Variants in ABCB5 observed in about 807,000 individuals in gnomAD.
ABCB5 encodes the protein ATP-binding cassette sub-family B member 5.
In ABCB5, 155 loss-of-function variants were observed where a neutral mutation model predicts 144.2. That is an observed-to-expected ratio of 1.08 (90% confidence interval 0.94 to 1.23). ABCB5 has a LOEUF of 1.23. ABCB5 is among the 50% of genes most tolerant of loss of function. The pLI is 0.00. For missense variants in ABCB5, 1,830 were observed against 1,520.8 expected, an observed-to-expected ratio of 1.20 and a Z score of -3.38; for synonymous variants, 610 against 528.6, an observed-to-expected ratio of 1.15 and a Z score of -2.11.
intron 14 of ABCB5, among the ~76,000 whole-genome samples, chr7:20,681,029 T>G (rs1785789114): frequency 1.3e-5 from 1 of 79,012 alleles, no homozygotes; most frequent in Non-Finnish European, 2.2e-5. Flanking sequence ...TTTCTTTCTT[T>G]CTTTCTCTTT....
intron 14 of ABCB5, among the ~76,000 whole-genome samples, chr7:20,680,519 G>A (rs1424588176): frequency 6.6e-5 from 10 of 150,572 alleles, no homozygotes; most frequent in Admixed American, 6.0e-4. Flanking sequence ...GCAGTGAGCC[G>A]AGATTGCGCC....
chr7:20,623,325 T>G lies in ABCB5; in HGVS notation c.40T>G (p.Tyr14Asp). Residue 14 changes from tyrosine to aspartate, a missense_variant, in exon 2 of 28, where the codon TAT becomes GAT. Physicochemically the swap from Tyr to Asp is radical, Grantham distance 160 (BLOSUM62 -3). Coordinates refer to ENST00000404938, the MANE Select transcript of ABCB5 (RefSeq NM_001163941.2). ...SERAEEMQEN[Y>D]QRNGTAEEQP... Reference sequence around the variant, plus strand: ...AAGAGCTGAAGAAATGCAAGAAAATTATCAGAGAAATGGGTAAGCTCTCAC... The same window carrying G: ...AAGAGCTGAAGAAATGCAAGAAAATGATCAGAGAAATGGGTAAGCTCTCAC... 1 of 1,549,566 alleles carries G rather than the reference T, an allele frequency of 6.5e-7. No homozygotes were observed. Among genetic ancestry groups the G allele is most frequent in the Non-Finnish European group, 8.7e-7 (1 of 1,144,468 alleles).
rs1562543053 is a variant in ABCB5, at chr7:20,656,906, C to CTTTTTTTTTTTT, written c.1537-1595_1537-1594insTTTTTTTTTTTT. Among the ~76,000 whole-genome samples the CTTTTTTTTTTTT allele has an allele frequency of 1.5e-5, 2 of 135,740 alleles. 1 individual carries two copies. The allele number at this position is 135,740 out of a possible 152,430, so 89.1% of individuals were successfully genotyped here. Reference sequence around the variant, plus strand: ...GTGATAGATCTAATTTTTCTTTTTCCTTTTTCTTTTTTTTTTTTTTTTTTT... The same window carrying CTTTTTTTTTTTT: ...GTGATAGATCTAATTTTTCTTTTTCCTTTTTTTTTTTTTTTTTCTTTTTTTTTTTTTTTTTTT... On this transcript the variant is annotated intron_variant, in intron 13 of 27. Coordinates refer to ENST00000404938, the MANE Select transcript of ABCB5 (RefSeq NM_001163941.2).
At chr7:20,639,846 C>A (rs1330243904) in intron 5 of ABCB5, among the ~76,000 whole-genome samples, 12 of 152,114 alleles carry the variant, frequency 7.9e-5, no homozygotes, top group Admixed American at 5.9e-4. Flanking sequence ...CTCTACATTT[C>A]TATATGTATT....
intron 19 of ABCB5, among the ~76,000 whole-genome samples, chr7:20,700,423 T>C (rs1786580664): frequency 1.3e-5 from 2 of 152,250 alleles, no homozygotes; most frequent in Non-Finnish European, 2.9e-5. Flanking sequence ...GATGTAGTGT[T>C]CTGGGATCAG....
chr7:20,617,320 A>C (rs978520186), intron 1 of ABCB5, among the ~76,000 whole-genome samples: 1 of 152,220 alleles, frequency 6.6e-6, no homozygotes, highest in Non-Finnish European at 1.5e-5. Context: ...ATTATCATTC[A>C]GTACATGTGG....
At chr7:20,643,967 T>G (rs1784350366) in intron 7 of ABCB5, among the ~76,000 whole-genome samples, 1 of 152,244 alleles carries the variant, frequency 6.6e-6, no homozygotes, top group African/African-American at 2.4e-5. Flanking sequence ...CAGACTTGTT[T>G]GCTCTAAATT....
intron 23 of ABCB5, among the ~76,000 whole-genome samples, chr7:20,731,656 T>A (rs1468903590): frequency 6.6e-6 from 1 of 152,098 alleles, no homozygotes; most frequent in African/African-American, 2.4e-5. Flanking sequence ...TTAAGGTGTT[T>A]CTCCCCAAAG....
chr7:20,695,141 T>C (rs1479379270), intron 16 of ABCB5, among the ~76,000 whole-genome samples: 1 of 151,990 alleles, frequency 6.6e-6, no homozygotes, highest in East Asian at 1.9e-4. Context: ...TCAACTACTA[T>C]ATAAAGCTAA....
Position 20,637,804 on chromosome 7 carries a change from A to G in ABCB5, c.315-5380A>G, listed in dbSNP as rs868371602. Among the ~76,000 whole-genome samples the G allele has an allele frequency of 2.0e-5, 3 of 152,314 alleles. No individual in the cohort carries two copies. The South Asian group carries it at 6.2e-4, about 32-fold the overall frequency. On this transcript the variant is annotated intron_variant, in intron 5 of 27. Coordinates refer to ENST00000404938, the MANE Select transcript of ABCB5 (RefSeq NM_001163941.2). ...TAATGTATCTAGCATAACCTACTTG[A>G]AAGAGAAGGGGCAAACTAGACAGCC...
chr7:20,707,797 A>ATTTTTT (rs1211525231), intron 20 of ABCB5, among the ~76,000 whole-genome samples: 68 of 98,932 alleles, frequency 6.9e-4, no homozygotes, highest in Non-Finnish European at 8.2e-4. Flanking sequence ...TGGTAACCTC[A>ATTTTTT]TTTCTTTTTT....
At chr7:20,646,612 T>A (rs144208592) in intron 9 of ABCB5, among the ~76,000 whole-genome samples, 2 of 152,338 alleles carry the variant, frequency 1.3e-5, no homozygotes, top group African/African-American at 4.8e-5. Context: ...TATAGCTCTG[T>A]CCAGTATCAC....
chr7:20,616,602 A>G (rs2128014738), intron 1 of ABCB5, among the ~76,000 whole-genome samples: 1 of 152,294 alleles, frequency 6.6e-6, no homozygotes, highest in East Asian at 1.9e-4. Flanking sequence ...TAGCATCCAC[A>G]CAGCTGTCAA....
intron 7 of ABCB5, 40 bp from the exon 8 acceptor site, chr7:20,645,716 C>T (rs762450285): frequency 6.1e-5 from 98 of 1,609,768 alleles, no homozygotes; most frequent in Non-Finnish European, 7.6e-5. Context: ...ATTATTACTA[C>T]ACAGAGTCAT....
intron 14 of ABCB5, chr7:20,659,589 T>G (rs1038941700): frequency 1.0e-6 from 1 of 994,460 alleles, no homozygotes; most frequent in Non-Finnish European, 1.2e-6. Context: ...ACATGTTGCT[T>G]GTGTGATAAA....
chr7:20,688,798 G>A (rs1416797609), intron 16 of ABCB5, among the ~76,000 whole-genome samples: 1 of 152,194 alleles, frequency 6.6e-6, no homozygotes, highest in Non-Finnish European at 1.5e-5. Context: ...CATAAAAAAG[G>A]ATGAGTTCAT....
intron 22 of ABCB5, 127 bp downstream of exon 22, chr7:20,727,267 A>G: frequency 1.8e-6 from 1 of 546,732 alleles, no homozygotes. Flanking sequence ...ATGTCATGTC[A>G]TAATTTCTCA....
chr7:20,666,826 C>T (rs1171043192), intron 14 of ABCB5: 4 of 1,561,844 alleles, frequency 2.6e-6, no homozygotes, highest in African/African-American at 2.7e-5. Context: ...TCTGGAACCA[C>T]AGTGGTATGA....
At position 20,651,595 on chromosome 7, in the gene ABCB5, C is replaced by A. The variant is rs750998883; in HGVS notation, c.1508C>A (p.Ala503Glu). Residue 503 changes from alanine (A) to glutamate (E), a missense_variant, in exon 13 of 28, where the codon GCG becomes GAG. Coordinates refer to ENST00000404938, the MANE Select transcript of ABCB5 (RefSeq NM_001163941.2). ...EMERAAREANAYDFIMEFPNK... is the reference protein window; with the variant it reads ...EMERAAREANEYDFIMEFPNK... ...GAGAGAGCAGCAAGGGAAGCAAATG[C>A]GTATGATTTTATCATGGAGTTTCCT... The A allele has an allele frequency of 3.1e-6, 5 of 1,614,030 alleles. No individual in the cohort carries two copies. The highest frequency in any genetic ancestry group is 1.7e-5 in the Admixed American group (1 of 60,006).
Sources: gnomAD v4.1 joint callset for allele counts (sites outside exome capture counted in the v4.1 genomes callset) on GRCh38, gnomAD v4.1.1 for gene constraint, MANE v1.5 for transcripts, NCBI Gene and HGNC (gene_info 2026-07-23, HGNC 2026-07-21) for gene names.